Variants in C1orf21 observed in about 807,000 individuals in gnomAD.
C1orf21 encodes the protein chromosome 1 open reading frame 21.
C1orf21 carries 3 observed loss-of-function variants against 18.7 expected under a neutral mutation model. That is an observed-to-expected ratio of 0.16 (90% confidence interval 0.07 to 0.42). The LOEUF (loss-of-function observed/expected upper bound fraction) is 0.42, where lower values mean the gene tolerates loss of function less well. C1orf21 is among the 10% of genes least tolerant of loss of function. C1orf21 has a pLI of 0.99. For missense variants in C1orf21, 104 were observed against 143.6 expected (o/e 0.72, Z 1.41); for synonymous variants, 41 against 46.4 (o/e 0.88, Z 0.47).
At chr1:184,426,433 G>A (rs140284432) in intron 1 of C1orf21, among the ~76,000 whole-genome samples, 2 of 152,170 alleles carry the variant, frequency 1.3e-5, no homozygotes, top group East Asian at 1.9e-4. Flanking sequence ...CACCCCATTG[G>A]TGTCAGAGGA....
rs375732720 is a variant in C1orf21, at chr1:184,461,841, T to TA, written c.-124-15536dup. 1.4e-3 allele frequency among the ~76,000 whole-genome samples: 205 copies of TA among 151,192 alleles called. 1 individual carries two copies. Among genetic ancestry groups the TA allele is most frequent in the African/African-American group, 4.2e-3 (174 of 41,182 alleles). ...TTTTGCCGCTGCTGGAATGGTTGAT[T>TA]AAAAAAAAACAAAACAAAACACATT... is the stretch of plus-strand genomic sequence containing the variant. On this transcript the variant is annotated intron_variant, in intron 1 of 5. Coordinates refer to ENST00000235307, the MANE Select transcript of C1orf21 (RefSeq NM_030806.4).
At chr1:184,517,794 A>G (rs1215513990) in intron 3 of C1orf21, among the ~76,000 whole-genome samples, 2 of 152,156 alleles carry the variant, frequency 1.3e-5, no homozygotes, top group Non-Finnish European at 2.9e-5. Flanking sequence ...CCTTTCCTAG[A>G]CAGTTTAATA....
At chr1:184,577,790 CAT>C (rs1659214277) in intron 3 of C1orf21, among the ~76,000 whole-genome samples, 1 of 152,094 alleles carries the variant, frequency 6.6e-6, no homozygotes, top group African/African-American at 2.4e-5. Flanking sequence ...ATATCAAAGA[CAT>C]GATGGATGAT....
chr1:184,432,490 A>C (rs1472199306), intron 1 of C1orf21, among the ~76,000 whole-genome samples: 1 of 152,064 alleles, frequency 6.6e-6, no homozygotes, highest in Non-Finnish European at 1.5e-5. Context: ...GGACACAGAG[A>C]GGGGAATATC....
chr1:184,548,261 ACACT>A (rs1658758750), intron 3 of C1orf21, among the ~76,000 whole-genome samples: 1 of 148,758 alleles, frequency 6.7e-6, no homozygotes, highest in African/African-American at 2.5e-5. Flanking sequence ...ACACACTCAC[ACACT>A]CACTCACACT....
chr1:184,433,308 G>T (rs981249389), intron 1 of C1orf21, among the ~76,000 whole-genome samples: 5 of 152,160 alleles, frequency 3.3e-5, no homozygotes, highest in African/African-American at 1.2e-4. Flanking sequence ...TGGCAGAGAG[G>T]AGTGGATATG....
intron 1 of C1orf21, among the ~76,000 whole-genome samples, chr1:184,458,111 C>T (rs1193966333): frequency 6.6e-6 from 1 of 152,144 alleles, no homozygotes; most frequent in Non-Finnish European, 1.5e-5. Context: ...GACTCCAAAG[C>T]CTACGTTCCT....
rs140521675 is a variant in C1orf21, at chr1:184,588,920, G to A, written c.190-1819G>A. Among the ~76,000 whole-genome samples the A allele has an allele frequency of 7.9e-3, 1,203 of 152,242 alleles. 7 individuals carry two copies. Among genetic ancestry groups the A allele is most frequent in the Middle Eastern group, 0.02 (6 of 294 alleles). ...TGGGAGTGATGCGTTACTGAGGGCCGGCTTCTTCTCAGTCCTGCTTGTCCA... is the reference window on the plus strand; with the variant it reads ...TGGGAGTGATGCGTTACTGAGGGCCAGCTTCTTCTCAGTCCTGCTTGTCCA... On this transcript the variant is annotated intron_variant, in intron 3 of 5. Transcript: ENST00000235307.
chr1:184,519,609 T>C (rs1432539599), intron 3 of C1orf21, among the ~76,000 whole-genome samples: 1 of 152,178 alleles, frequency 6.6e-6, no homozygotes, highest in Non-Finnish European at 1.5e-5. Context: ...CCCAGAACAA[T>C]AACACAGTGG....
intron 2 of C1orf21, among the ~76,000 whole-genome samples, chr1:184,505,169 C>T (rs1322338497): frequency 6.6e-6 from 1 of 151,584 alleles, no homozygotes. Context: ...GGCATCTCCT[C>T]CCTAGGAGAA....
intron 1 of C1orf21, among the ~76,000 whole-genome samples, chr1:184,439,830 G>T (rs1051522306): frequency 3.9e-5 from 6 of 152,164 alleles, no homozygotes; most frequent in African/African-American, 1.4e-4. Context: ...ATTGTCTTAT[G>T]TTTTGGAGTT....
At chr1:184,560,654 G>A (rs1228878633) in intron 3 of C1orf21, among the ~76,000 whole-genome samples, 1 of 152,134 alleles carries the variant, frequency 6.6e-6, no homozygotes, top group African/African-American at 2.4e-5. Flanking sequence ...GAGACGATCA[G>A]CTTCCTCCCA....
chr1:184,584,085 T>G (rs10911616), intron 3 of C1orf21, among the ~76,000 whole-genome samples: 25,036 of 150,030 alleles, frequency 0.17, 2,364 homozygotes, highest in East Asian at 0.31. Context: ...CACCACTTTC[T>G]CCTTCCCCCT....
At position 184,538,866 on chromosome 1, in the gene C1orf21, A is replaced by T. The variant is rs577041036; in HGVS notation, c.189+31184A>T. On this transcript the variant is annotated intron_variant, in intron 3 of 5. Coordinates refer to ENST00000235307, the MANE Select transcript of C1orf21 (RefSeq NM_030806.4). ...TTTGATTATTGTAATTTTGTAATTA[A>T]GTCATTTATTCTAACAGACTTTTTT... Among the ~76,000 whole-genome samples the T allele has an allele frequency of 1.8e-4, 28 of 152,334 alleles. 1 individual carries two copies. The highest frequency in any genetic ancestry group is 3.4e-3 in the Middle Eastern group (1 of 294).
At chr1:184,471,882 C>T (rs1033324013) in intron 1 of C1orf21, among the ~76,000 whole-genome samples, 3 of 152,078 alleles carry the variant, frequency 2.0e-5, no homozygotes, top group South Asian at 4.2e-4. Context: ...GTGATGCCAG[C>T]GATTGTTGGG....
At chr1:184,559,667 A>G (rs911997052) in intron 3 of C1orf21, among the ~76,000 whole-genome samples, 6 of 126,066 alleles carry the variant, frequency 4.8e-5, no homozygotes, top group Non-Finnish European at 8.6e-5. Flanking sequence ...TGTCACCCAG[A>G]CTAAAGTGCA....
At chr1:184,567,038 G>A (rs974966077) in intron 3 of C1orf21, 13 of 509,454 alleles carry the variant, frequency 2.6e-5, no homozygotes, top group African/African-American at 1.5e-4. Flanking sequence ...CGGGAACATT[G>A]TCTGTGTACA....
chr1:184,496,459 C>G (rs1046663366), intron 2 of C1orf21, among the ~76,000 whole-genome samples: 10 of 152,228 alleles, frequency 6.6e-5, no homozygotes, highest in African/African-American at 2.2e-4. Flanking sequence ...GGGCACACCT[C>G]TCTCAGATCC....
At chr1:184,522,997 G>T (rs887194524) in intron 3 of C1orf21, among the ~76,000 whole-genome samples, 1 of 152,098 alleles carries the variant, frequency 6.6e-6, no homozygotes, top group Non-Finnish European at 1.5e-5. Context: ...CTTACAAAGG[G>T]TACACTTTAT....
Sources: allele counts gnomAD v4.1 joint callset (sites outside exome capture counted in the v4.1 genomes callset), GRCh38; gene constraint gnomAD v4.1.1; transcripts MANE v1.5; gene names NCBI Gene and HGNC (gene_info 2026-07-23, HGNC 2026-07-21).